Variants in PRORP observed in about 807,000 individuals in gnomAD.
The protein encoded by PRORP is mitochondrial ribonuclease P catalytic subunit.
PRORP carries 51 observed loss-of-function variants against 59.4 expected under a neutral mutation model. The ratio of observed to expected loss-of-function variants is 0.86; its 90% CI spans 0.69 to 1.08. The LOEUF (loss-of-function observed/expected upper bound fraction) is 1.08. Ranked by LOEUF, PRORP falls within the 50% of genes least tolerant of loss-of-function variation. The pLI, the probability that PRORP is intolerant of heterozygous loss-of-function variation, is 0.00. For synonymous variants in PRORP, 231 were observed against 245.6 expected, an observed-to-expected ratio of 0.94 and a Z score of 0.55; for missense variants, 646 against 690.3, an observed-to-expected ratio of 0.94 and a Z score of 0.72.
In PRORP at chr14:35,266,894, A is replaced by C; in HGVS notation, c.1424+19A>C. The C allele has an allele frequency of 3.1e-6, 5 of 1,613,844 alleles. No individual in the cohort carries two copies. Among genetic ancestry groups the C allele is most frequent in the South Asian group, 1.1e-5 (1 of 91,060 alleles). ...ATGACATGTAAGTGTTGGAGGTAAT[A>C]GGTGAATTATACTGTGCTGCAGACA... On this transcript the variant is annotated intron_variant, in intron 6 of 7. Coordinates refer to ENST00000534898, the MANE Select transcript of PRORP (RefSeq NM_014672.4).
At chr14:35,156,265 G>A (rs1233915271) in intron 4 of PRORP, among the ~76,000 whole-genome samples, 1 of 152,134 alleles carries the variant, frequency 6.6e-6, no homozygotes, top group Non-Finnish European at 1.5e-5. Context: ...TAAGATCTCC[G>A]GCACATTTCC....
intron 5 of PRORP, among the ~76,000 whole-genome samples, chr14:35,249,932 T>C (rs1356772826): frequency 6.6e-6 from 1 of 152,136 alleles, no homozygotes; most frequent in Non-Finnish European, 1.5e-5. Context: ...TCCTCCCTGG[T>C]GTGCACACTC....
At chr14:35,266,950 C>G in intron 6 of PRORP, 75 bp downstream of exon 6, 1 of 1,481,996 alleles carries the variant, frequency 6.7e-7, no homozygotes, top group Non-Finnish European at 9.2e-7. Flanking sequence ...CTACTTTAAA[C>G]CTATCTTTTA....
At chr14:35,168,362 T>C (rs962967056) in intron 4 of PRORP, among the ~76,000 whole-genome samples, 5 of 152,188 alleles carry the variant, frequency 3.3e-5, no homozygotes, top group African/African-American at 9.6e-5. Context: ...AGACTAATGA[T>C]GTTGAGTATT....
chr14:35,266,618 C>G, intron 5 of PRORP, 109 bp from the exon 6 acceptor site: 1 of 1,128,378 alleles, frequency 8.9e-7, no homozygotes, highest in Non-Finnish European at 1.3e-6. Context: ...TTTCTTACCC[C>G]CTACCAGAAA....
chr14:35,262,757 C>T, intron 5 of PRORP: 1 of 1,047,456 alleles, frequency 9.5e-7, no homozygotes, highest in Non-Finnish European at 1.5e-6. Flanking sequence ...CTCACTTCCC[C>T]ATCAATGTCG....
At chr14:35,270,929 A>G (rs1362509017) in intron 7 of PRORP, among the ~76,000 whole-genome samples, 1 of 149,924 alleles carries the variant, frequency 6.7e-6, no homozygotes, top group Non-Finnish European at 1.5e-5. Context: ...TAAAAGTACA[A>G]AAAAAAAATT....
chr14:35,211,989 T>C (rs1163256326), intron 5 of PRORP, among the ~76,000 whole-genome samples: 1 of 152,240 alleles, frequency 6.6e-6, no homozygotes, highest in East Asian at 1.9e-4. Flanking sequence ...TTATGGAATA[T>C]TCCATATCCT....
intron 4 of PRORP, among the ~76,000 whole-genome samples, chr14:35,145,835 T>A (rs7161617): frequency 0.24 from 32,404 of 133,012 alleles, 7,020 homozygotes; most frequent in Admixed American, 0.39. Flanking sequence ...TTATTTATTT[T>A]TTTATTTTTT....
chr14:35,247,112 A>G (rs923644458), intron 5 of PRORP, among the ~76,000 whole-genome samples: 2 of 152,242 alleles, frequency 1.3e-5, no homozygotes, highest in Non-Finnish European at 2.9e-5. Flanking sequence ...TAGTAGAATT[A>G]GAATCTGAAC....
At chr14:35,163,806 G>T (rs1175048979) in intron 4 of PRORP, among the ~76,000 whole-genome samples, 1 of 151,994 alleles carries the variant, frequency 6.6e-6, no homozygotes, top group East Asian at 1.9e-4. Flanking sequence ...TGTTTTTGTT[G>T]CAATTGCTCT....
At chr14:35,185,676 T>C (rs2048723159) in intron 5 of PRORP, among the ~76,000 whole-genome samples, 1 of 152,196 alleles carries the variant, frequency 6.6e-6, no homozygotes, top group Admixed American at 6.5e-5. Flanking sequence ...TAAACTCCAG[T>C]ATTTTTCAAC....
At chr14:35,206,124 A>G (rs547286984) in intron 5 of PRORP, among the ~76,000 whole-genome samples, 11 of 152,248 alleles carry the variant, frequency 7.2e-5, no homozygotes, top group Non-Finnish European at 1.5e-4. Flanking sequence ...TCAGACTTGC[A>G]GAATGTTTGG....
chr14:35,271,601 C>T (rs184199782), intron 7 of PRORP, among the ~76,000 whole-genome samples: 157 of 152,270 alleles, frequency 1.0e-3, no homozygotes, highest in East Asian at 1.2e-3. Context: ...CAATTGAATT[C>T]TCCTTTGATT....
chr14:35,231,211 C>A (rs757276171), intron 5 of PRORP, among the ~76,000 whole-genome samples: 7 of 152,044 alleles, frequency 4.6e-5, no homozygotes, highest in Non-Finnish European at 8.8e-5. Flanking sequence ...GAATATATAC[C>A]AGTTGTCTTT....
Position 35,123,329 on chromosome 14 carries a change from T to C in PRORP, c.84T>C (p.Tyr28=), listed in dbSNP as rs748532370. 7.6e-5 allele frequency: 122 copies of C among 1,613,942 alleles called. No homozygotes were observed. The highest frequency in any genetic ancestry group is 9.9e-5 in the Non-Finnish European group (117 of 1,180,050). ...PYLGLGPGHS[Y]VSLFLADRCG... ...TTGGGCTAGGCCCAGGGCACTCTTA[T>C]GTCTCGCTGTTTCTGGCAGACCGCT... is the stretch of plus-strand genomic sequence containing the variant. The change falls in exon 2 of 8, where the codon TAT becomes TAC. Residue 28 remains tyrosine, a synonymous_variant. Coordinates refer to ENST00000534898, the MANE Select transcript of PRORP (RefSeq NM_014672.4).
chr14:35,203,782 T>A (rs944739122), intron 5 of PRORP, among the ~76,000 whole-genome samples: 3 of 152,138 alleles, frequency 2.0e-5, no homozygotes, highest in African/African-American at 7.2e-5. Flanking sequence ...GTGAATGGCA[T>A]GAACCCCAGG....
At chr14:35,129,827 C>T (rs975807024) in intron 4 of PRORP, among the ~76,000 whole-genome samples, 3 of 152,066 alleles carry the variant, frequency 2.0e-5, no homozygotes, top group Non-Finnish European at 2.9e-5. Flanking sequence ...TAATACTTAA[C>T]TATAGCCTAT....
intron 5 of PRORP, among the ~76,000 whole-genome samples, chr14:35,195,254 A>T (rs1489567340): frequency 6.6e-6 from 1 of 152,158 alleles, no homozygotes. Flanking sequence ...TTCTGCAGAA[A>T]TATTTGCACA....
Sources: gnomAD v4.1 joint callset for allele counts (sites outside exome capture counted in the v4.1 genomes callset) on GRCh38, gnomAD v4.1.1 for gene constraint, MANE v1.5 for transcripts, NCBI Gene and HGNC (gene_info 2026-07-23, HGNC 2026-07-21) for gene names.